The following ZNF713 variants were observed in gnomAD, a reference collection of about 807,000 sequenced individuals.
ZNF713 encodes zinc finger protein 713.
Under a neutral mutation model 28.7 loss-of-function variants are expected in ZNF713, and 21 were observed. The observed-to-expected ratio is 0.73, with a 90% CI of 0.52 to 1.05. The LOEUF (loss-of-function observed/expected upper bound fraction) is 1.05, where lower values mean the gene tolerates loss of function less well. Ranked by LOEUF, ZNF713 falls within the 50% of genes least tolerant of loss-of-function variation. The pLI is 0.00. For synonymous variants in ZNF713, 167 were observed against 178.0 expected, an observed-to-expected ratio of 0.94 and a Z score of 0.49; for missense variants, 458 against 532.4, an observed-to-expected ratio of 0.86 and a Z score of 1.37.
At position 55,911,791 on chromosome 7, in the gene ZNF713, G is replaced by A. The variant is rs1792161558; in HGVS notation, c.-280G>A. On this transcript the variant is annotated 5_prime_UTR_variant, in exon 3 of 7. Transcript: ENST00000429591. Reference sequence around the variant, plus strand: ...ATAAACAAGGCAAGATTCTGAGAGTGGCCGCCCCTGGAAGCAGAAATTATT... The same window carrying A: ...ATAAACAAGGCAAGATTCTGAGAGTAGCCGCCCCTGGAAGCAGAAATTATT... 2 of 152,162 alleles carry A rather than the reference G, an allele frequency of 1.3e-5. No individual in the cohort carries two copies. The highest frequency in any genetic ancestry group is 2.9e-5 in the Non-Finnish European group (2 of 68,032). The allele number at this position is 152,162 out of a possible 1,614,324, so 9.4% of individuals were successfully genotyped here. A position where few individuals can be genotyped will look rare whatever the true frequency, so the allele number is the denominator to read the frequency against.
chr7:55,918,188 T>G (rs1785921780), intron 4 of ZNF713: 2 of 448,638 alleles, frequency 4.5e-6, no homozygotes, highest in Non-Finnish European at 9.0e-6. Flanking sequence ...CCGACCACCT[T>G]GTCAGGAGGA....
intron 1 of ZNF713, among the ~76,000 whole-genome samples, chr7:55,896,633 A>G (rs1248829506): frequency 6.6e-6 from 1 of 151,612 alleles, no homozygotes; most frequent in Non-Finnish European, 1.5e-5. Context: ...AAACACACAT[A>G]ATTGATGTGT....
Position 55,887,638 on chromosome 7 carries a change from CGTCAGGG to C in ZNF713, c.-623_-617del, listed in dbSNP as rs1562730813. On this transcript the variant is annotated 5_prime_UTR_variant, in exon 1 of 7. Coordinates refer to ENST00000429591, the MANE Select transcript of ZNF713 (RefSeq NM_182633.3). ...GCGGCGGCGGCGGCGGCGGCGGCGGCGTCAGGGGGCGGAGCCTGCCGAAGCGCCCTTT... is the reference window on the plus strand; with the variant it reads ...GCGGCGGCGGCGGCGGCGGCGGCGGCGGCGGAGCCTGCCGAAGCGCCCTTT... The C allele has an allele frequency of 4.2e-5, 6 of 144,210 alleles. No individual in the cohort carries two copies. Among genetic ancestry groups the C allele is most frequent in the Non-Finnish European group, 6.4e-5 (5 of 78,494 alleles). The allele number at this position is 144,210 out of a possible 1,614,324, so 8.9% of individuals were successfully genotyped here.
At chr7:55,908,363 G>A (rs1785724452) in intron 2 of ZNF713, among the ~76,000 whole-genome samples, 1 of 151,874 alleles carries the variant, frequency 6.6e-6, no homozygotes, top group Non-Finnish European at 1.5e-5. Context: ...GGCTGGTCTC[G>A]AACTCCTGAC....
At chr7:55,932,358 G>A (rs1201804406) in intron 6 of ZNF713, among the ~76,000 whole-genome samples, 2 of 143,788 alleles carry the variant, frequency 1.4e-5, no homozygotes, top group African/African-American at 5.1e-5. Flanking sequence ...GGGAGACTTC[G>A]TCTCTACCAA....
chr7:55,893,278 G>A (rs1175988710), intron 1 of ZNF713, among the ~76,000 whole-genome samples: 1 of 152,122 alleles, frequency 6.6e-6, no homozygotes, highest in Non-Finnish European at 1.5e-5. Context: ...TTATGCTTAG[G>A]AATGGACATC....
At chr7:55,892,146 G>T (rs1210110926) in intron 1 of ZNF713, among the ~76,000 whole-genome samples, 2 of 150,518 alleles carry the variant, frequency 1.3e-5, no homozygotes, top group Admixed American at 1.3e-4. Context: ...TGGGCCTGGT[G>T]GCGGGCGCCT....
At chr7:55,903,969 G>A (rs1785627529) in intron 1 of ZNF713, among the ~76,000 whole-genome samples, 1 of 152,152 alleles carries the variant, frequency 6.6e-6, no homozygotes, top group Admixed American at 6.5e-5. Context: ...GGACTGATAT[G>A]ATCAGGTTTT....
At chr7:55,906,440 CT>C (rs1785681102) in intron 2 of ZNF713, 61 bp downstream of exon 2, 1 of 152,186 alleles carries the variant, frequency 6.6e-6, no homozygotes, top group African/African-American at 2.4e-5. Flanking sequence ...ATTATTTGGG[CT>C]GTTTTTCAAA....
At chr7:55,925,637 A>G (rs576278650) in intron 6 of ZNF713, among the ~76,000 whole-genome samples, 10 of 152,180 alleles carry the variant, frequency 6.6e-5, no homozygotes, top group African/African-American at 2.4e-4. Flanking sequence ...AAAAGGGAAG[A>G]AAAGAAAACC....
chr7:55,896,505 G>A (rs1346612563), intron 1 of ZNF713, among the ~76,000 whole-genome samples: 4 of 151,638 alleles, frequency 2.6e-5, no homozygotes, highest in African/African-American at 9.7e-5. Flanking sequence ...TACCGGTAAG[G>A]AAAAAGGGAA....
intron 4 of ZNF713, among the ~76,000 whole-genome samples, chr7:55,920,415 G>A (rs1771583192): frequency 6.6e-6 from 1 of 152,214 alleles, no homozygotes; most frequent in Non-Finnish European, 1.5e-5. Context: ...TTGCAGATAT[G>A]GAGAAAGTTT....
chr7:55,914,220 G>A (rs913708813), intron 4 of ZNF713, among the ~76,000 whole-genome samples: 2 of 151,746 alleles, frequency 1.3e-5, no homozygotes, highest in East Asian at 1.9e-4. Flanking sequence ...TTTATGGATC[G>A]CTAGTTTAGC....
chr7:55,890,675 TAAAG>T (rs1163018474), intron 1 of ZNF713, among the ~76,000 whole-genome samples: 4 of 151,986 alleles, frequency 2.6e-5, no homozygotes, highest in Admixed American at 6.6e-5. Context: ...GAATTCTAAA[TAAAG>T]ATATAAGAAG....
intron 6 of ZNF713, among the ~76,000 whole-genome samples, chr7:55,936,453 G>A (rs947878990): frequency 6.6e-6 from 1 of 152,086 alleles, no homozygotes; most frequent in Non-Finnish European, 1.5e-5. Context: ...GGCAGAATTA[G>A]TGATGATACT....
chr7:55,892,277 CAAAAAAAA>C (rs71561974), intron 1 of ZNF713, among the ~76,000 whole-genome samples: 1 of 60,500 alleles, frequency 1.7e-5, no homozygotes, highest in Non-Finnish European at 3.0e-5. Context: ...GACTCCATCT[CAAAAAAAA>C]AAAAAAAAAA....
At chr7:55,921,566 T>C (rs1785994510) in intron 4 of ZNF713, among the ~76,000 whole-genome samples, 1 of 152,188 alleles carries the variant, frequency 6.6e-6, no homozygotes, top group Non-Finnish European at 1.5e-5. Flanking sequence ...ACTGAGGCTT[T>C]CAAGATTTCT....
chr7:55,931,227 G>A (rs10250964), intron 6 of ZNF713, among the ~76,000 whole-genome samples: 43,513 of 151,494 alleles, frequency 0.29, 6,641 homozygotes, highest in Middle Eastern at 0.38. Context: ...TGGAGGTTGC[G>A]GTGAGCCGAG....
At chr7:55,936,264 C>CCAA (rs1554338064) in intron 6 of ZNF713, among the ~76,000 whole-genome samples, 6 of 130,702 alleles carry the variant, frequency 4.6e-5, no homozygotes, top group East Asian at 2.2e-4. Context: ...GACTCTGTCC[C>CCAA]AAAAAAAAAA....
Sources: allele counts gnomAD v4.1 joint callset (sites outside exome capture counted in the v4.1 genomes callset), GRCh38; gene constraint gnomAD v4.1.1; transcripts MANE v1.5; gene names NCBI Gene and HGNC (gene_info 2026-07-23, HGNC 2026-07-21).